SLC9C2: variants seen among roughly 807,000 people sequenced by gnomAD.
SLC9C2 encodes sodium/hydrogen exchanger 11.
In SLC9C2, 75 loss-of-function variants were observed where a neutral mutation model predicts 140.2. That is an observed-to-expected ratio of 0.53 (90% CI 0.44 to 0.65). The LOEUF is 0.65. SLC9C2 is among the 30% of genes least tolerant of loss of function. The pLI is 0.00. For synonymous variants in SLC9C2, 375 were observed against 420.9 expected (o/e 0.89, Z 1.34); for missense variants, 1,074 against 1,331.8 (o/e 0.81, Z 3.01).
intron 11 of SLC9C2, among the ~76,000 whole-genome samples, chr1:173,554,166 A>C (rs1663509475): frequency 6.6e-6 from 1 of 152,184 alleles, no homozygotes. Context: ...AGAATCTCCA[A>C]GTTTTGGCTG....
At chr1:173,541,150 G>A (rs1055250236) in intron 13 of SLC9C2, among the ~76,000 whole-genome samples, 17 of 151,478 alleles carry the variant, frequency 1.1e-4, no homozygotes, top group Non-Finnish European at 2.4e-4. Flanking sequence ...AAAATAAAGG[G>A]ATAGAGGAAG....
chr1:173,543,005 C>A (rs1662558337), intron 13 of SLC9C2, among the ~76,000 whole-genome samples: 1 of 152,230 alleles, frequency 6.6e-6, no homozygotes, highest in African/African-American at 2.4e-5. Flanking sequence ...GAAGTTCTGG[C>A]CAGGGCAATC....
intron 3 of SLC9C2, among the ~76,000 whole-genome samples, chr1:173,598,319 T>C (rs1300606136): frequency 2.0e-5 from 3 of 152,242 alleles, no homozygotes; most frequent in Non-Finnish European, 4.4e-5. Flanking sequence ...ATCCCTACTA[T>C]TGGTGATATC....
intron 4 of SLC9C2, 107 bp downstream of exon 4, chr1:173,597,797 A>C: frequency 1.7e-6 from 2 of 1,188,104 alleles, no homozygotes; most frequent in Non-Finnish European, 2.3e-6. Context: ...CAAAACAAAT[A>C]AAATATGACA....
chr1:173,587,996 C>A (rs1236560975), intron 4 of SLC9C2, among the ~76,000 whole-genome samples, 166 bp from the exon 5 acceptor site: 1 of 152,148 alleles, frequency 6.6e-6, no homozygotes, highest in Non-Finnish European at 1.5e-5. Flanking sequence ...AAAGAAACCG[C>A]CCCTTTCAAA....
At chr1:173,590,641 G>T (rs1038070785) in intron 4 of SLC9C2, among the ~76,000 whole-genome samples, 2 of 152,136 alleles carry the variant, frequency 1.3e-5, no homozygotes, top group African/African-American at 4.8e-5. Flanking sequence ...GCACTTTGGA[G>T]CTATTATAAA....
intron 3 of SLC9C2, among the ~76,000 whole-genome samples, chr1:173,599,590 T>C (rs1403977345): frequency 6.6e-6 from 1 of 151,532 alleles, no homozygotes; most frequent in Non-Finnish European, 1.5e-5. Flanking sequence ...TTAGCCAGGA[T>C]GGTCTTTCCT....
chr1:173,521,819 T>C (rs932906567), intron 21 of SLC9C2, among the ~76,000 whole-genome samples: 2 of 145,188 alleles, frequency 1.4e-5, no homozygotes, highest in African/African-American at 5.0e-5. Context: ...GTTTTAGTTA[T>C]GTTGGGTAGA....
chr1:173,595,064 T>A (rs1666367283), intron 4 of SLC9C2, among the ~76,000 whole-genome samples: 1 of 152,160 alleles, frequency 6.6e-6, no homozygotes, highest in Non-Finnish European at 1.5e-5. Context: ...CATGCCTGGC[T>A]AATTTTTTGT....
intron 17 of SLC9C2, among the ~76,000 whole-genome samples, chr1:173,531,099 T>C (rs1661545931): frequency 6.6e-6 from 1 of 152,190 alleles, no homozygotes. Context: ...ATGCTGACAA[T>C]GGCTATGAGC....
At chr1:173,511,922 T>C (rs1290613114) in intron 23 of SLC9C2, among the ~76,000 whole-genome samples, 3 of 152,210 alleles carry the variant, frequency 2.0e-5, no homozygotes, top group Non-Finnish European at 2.9e-5. Context: ...CTTTCCCCAT[T>C]GCTTGTTTTT....
intron 9 of SLC9C2, among the ~76,000 whole-genome samples, chr1:173,561,317 G>A (rs1364859365): frequency 6.6e-6 from 1 of 152,116 alleles, no homozygotes; most frequent in Admixed American, 6.6e-5. Context: ...CTGTTTGCCT[G>A]GGATGGAGGT....
chr1:173,585,708 T>G (rs915555074), intron 5 of SLC9C2, among the ~76,000 whole-genome samples: 1 of 152,216 alleles, frequency 6.6e-6, no homozygotes, highest in African/African-American at 2.4e-5. Context: ...GGCTCATGCC[T>G]GTAATCCCAG....
At chr1:173,576,463 A>T (rs1318149802) in intron 8 of SLC9C2, among the ~76,000 whole-genome samples, 198 bp downstream of exon 8, 1 of 152,260 alleles carries the variant, frequency 6.6e-6, no homozygotes, top group Non-Finnish European at 1.5e-5. Context: ...CTGATACTTT[A>T]TTCATAACAG....
Position 173,534,491 on chromosome 1 carries a change from G to A in SLC9C2, c.1967C>T (p.Thr656Ile), listed in dbSNP as rs774292733. The change falls in exon 16 of 28, where the codon ACA becomes ATA. Residue 656 changes from threonine to isoleucine, a missense_variant. Physicochemically the swap from Thr to Ile is moderately conservative, Grantham distance 89. Coordinates refer to ENST00000367714, the MANE Select transcript of SLC9C2 (RefSeq NM_178527.4). ...TTCTATTTTAAACAGTACCTTCAAT[G>A]TTGATTCTAATACATATAAAAACAT... Reference protein sequence around the residue: ...YFMFLYVLESTLKIIILKRKY... With the variant: ...YFMFLYVLESILKIIILKRKY... 1 of 1,568,688 alleles carries A rather than the reference G, an allele frequency of 6.4e-7. No individual in the cohort carries two copies. Among genetic ancestry groups the A allele is most frequent in the South Asian group, 1.2e-5 (1 of 81,940 alleles).
chr1:173,501,214 A>T, intron 27 of SLC9C2, 117 bp from the exon 28 acceptor site: 1 of 1,053,962 alleles, frequency 9.5e-7, no homozygotes, highest in Non-Finnish European at 1.3e-6. Context: ...TATCTGAAAC[A>T]TTCCTCCTAA....
At chr1:173,585,232 A>T (rs921664225) in intron 5 of SLC9C2, among the ~76,000 whole-genome samples, 8 of 152,198 alleles carry the variant, frequency 5.3e-5, no homozygotes, top group African/African-American at 1.9e-4. Flanking sequence ...CGTCTACTAC[A>T]CTTTTGACTG....
Position 173,506,788 on chromosome 1 carries a change from T to C in SLC9C2, c.3225+68A>G, listed in dbSNP as rs776653620. 2.9e-5 allele frequency: 38 copies of C among 1,325,806 alleles called. No homozygotes were observed. The Middle Eastern group carries it at 4.3e-3, about 152-fold the overall frequency. 82.1% of individuals were successfully genotyped at this position (1,325,806 alleles called of 1,614,324 possible). A position where few individuals can be genotyped will look rare whatever the true frequency, so the allele number is the denominator to read the frequency against. On this transcript the variant is annotated intron_variant, in intron 25 of 27. Coordinates refer to ENST00000367714, the MANE Select transcript of SLC9C2 (RefSeq NM_178527.4). ...TTAAATTTCTTTTTAAGGTGATCAG[T>C]TGAGTTTTAAAGTCACTTTTGGAGC... is the stretch of plus-strand genomic sequence containing the variant.
At position 173,506,959 on chromosome 1, in the gene SLC9C2, T is replaced by A; in HGVS notation, c.3122A>T (p.Asn1041Ile). The A allele has an allele frequency of 6.2e-7, 1 of 1,613,594 alleles. No individual in the cohort carries two copies. The highest frequency in any genetic ancestry group is 8.5e-7 in the Non-Finnish European group (1 of 1,179,748). Residue 1041 changes from asparagine to isoleucine, a missense_variant, in exon 25 of 28, where the codon AAT (asparagine) becomes ATT (isoleucine). Physicochemically the swap from Asn to Ile is moderately radical, Grantham distance 149. Transcript: ENST00000367714. ...LSSYSDMIID[N>I]MTMKFVIIVY... The stretch of plus-strand genomic sequence containing the variant: ...AATGATAACAAATTTCATGGTCATA[T>A]TATCAATAATCATGTCACTATAGCT...
Sources: gnomAD v4.1 joint callset for allele counts (sites outside exome capture counted in the v4.1 genomes callset) on GRCh38, gnomAD v4.1.1 for gene constraint, MANE v1.5 for transcripts, NCBI Gene and HGNC (gene_info 2026-07-23, HGNC 2026-07-21) for gene names.